Variants in DCPS observed in about 807,000 individuals in gnomAD.
DCPS encodes m7GpppX diphosphatase.
Under a neutral mutation model 34.7 loss-of-function variants are expected in DCPS, and 27 were observed. That is an observed-to-expected ratio of 0.78 (90% CI 0.57 to 1.07). The LOEUF is 1.07. DCPS is among the 50% of genes least tolerant of loss of function. The pLI, the probability that DCPS is intolerant of heterozygous loss-of-function variation, is 0.00. For missense variants in DCPS, 464 were observed against 436.9 expected, an observed-to-expected ratio of 1.06 and a Z score of -0.55; for synonymous variants, 185 against 185.7, an observed-to-expected ratio of 1.00 and a Z score of 0.03.
chr11:126,325,674 G>A lies in DCPS; in HGVS notation c.377-5731G>A, dbSNP rs1211835778. Among the ~76,000 whole-genome samples the A allele has an allele frequency of 2.0e-5, 3 of 152,184 alleles. No individual in the cohort carries two copies. Among genetic ancestry groups the A allele is most frequent in the Non-Finnish European group, 4.4e-5 (3 of 68,028 alleles). ...ATTTGACTCTTTGACATATATGCAA[G>A]TACAATTTGAATTAAAAAGACAAAC... On this transcript the variant is annotated intron_variant, in intron 2 of 5. Coordinates refer to ENST00000263579, the MANE Select transcript of DCPS (RefSeq NM_014026.6). This position sits in a 1 kb window ranked among gnomAD's most constrained non-coding sequence, Gnocchi z 4.3.
chr11:126,306,216 T>A (rs1565370013), intron 1 of DCPS, among the ~76,000 whole-genome samples: 1 of 152,000 alleles, frequency 6.6e-6, no homozygotes, highest in Non-Finnish European at 1.5e-5. Flanking sequence ...CTACTAAAAA[T>A]ACAAAAATTA....
In DCPS at chr11:126,345,620, T is replaced by A; in HGVS notation, c.*7T>A. 1 of 1,611,156 alleles carries A rather than the reference T, an allele frequency of 6.2e-7. No homozygotes were observed. Among genetic ancestry groups the A allele is most frequent in the Non-Finnish European group, 8.5e-7 (1 of 1,179,080 alleles). ...GGAGGCTCAGCAAAGCTGAATTAAC[T>A]CAGGCAGAAGAGCACAGATGTGTGG... On this transcript the variant is annotated 3_prime_UTR_variant, in exon 6 of 6. Transcript: ENST00000263579. The surrounding 1 kb of genome is among the most constrained non-coding windows in gnomAD (Gnocchi z 7.4).
In DCPS at chr11:126,337,323, C is replaced by T; in HGVS notation, c.523-963C>T. ...TCCCCCAGATGTAGGGCAGAGTTCA[C>T]TGTCCTGCATGAGTTCATGTTTGCA... On this transcript the variant is annotated intron_variant, in intron 3 of 5. Coordinates refer to ENST00000263579, the MANE Select transcript of DCPS (RefSeq NM_014026.6). The surrounding 1 kb of genome is among the most constrained non-coding windows in gnomAD (Gnocchi z 5.3). 1 of 152,556 alleles carries T rather than the reference C, an allele frequency of 6.6e-6. No individual in the cohort carries two copies. Among genetic ancestry groups the T allele is most frequent in the Non-Finnish European group, 1.5e-5 (1 of 68,230 alleles). 9.5% of individuals were successfully genotyped at this position (152,556 alleles called of 1,614,324 possible). A position where few individuals can be genotyped will look rare whatever the true frequency, so the allele number is the denominator to read the frequency against.
chr11:126,307,697 G>A (rs571741706), intron 2 of DCPS, among the ~76,000 whole-genome samples: 1 of 152,198 alleles, frequency 6.6e-6, no homozygotes, highest in Admixed American at 6.6e-5. Flanking sequence ...GTGAGCCACC[G>A]TGCCCAGCCA....
intron 1 of DCPS, 162 bp downstream of exon 1, chr11:126,304,443 G>T: frequency 1.3e-6 from 1 of 752,846 alleles, no homozygotes; most frequent in Non-Finnish European, 2.1e-6. Context: ...GCGGTGAAAG[G>T]CGGCAAGATT....
Position 126,349,846 on chromosome 11 carries a change from C to G in DCPS, c.*4233C>G, listed in dbSNP as rs1352898501. 1.3e-5 allele frequency among the ~76,000 whole-genome samples: 2 copies of G among 152,162 alleles called. No individual in the cohort carries two copies. The highest frequency in any genetic ancestry group is 4.8e-5 in the African/African-American group (2 of 41,426). ...AAATGTTGGCAACCCTAAGTTTGTT[C>G]TATTATAATATTATTGAAATTACAT... On this transcript the variant is annotated 3_prime_UTR_variant, in exon 6 of 6. Transcript: ENST00000263579. The surrounding 1 kb of genome is among the most constrained non-coding windows in gnomAD (Gnocchi z 5.4).
At chr11:126,317,180 C>T (rs149051048) in intron 2 of DCPS, among the ~76,000 whole-genome samples, 3,559 of 152,030 alleles carry the variant, frequency 0.023, 99 homozygotes, top group South Asian at 0.13. Flanking sequence ...AGGATGGTCT[C>T]GATCTCCTGA....
chr11:126,335,763 AAAAAT>A lies in DCPS; in HGVS notation c.523-2521_523-2517del, dbSNP rs757456686. Among the ~76,000 whole-genome samples, 26 of 152,294 alleles carry A rather than the reference AAAAAT, an allele frequency of 1.7e-4. No individual in the cohort carries two copies. Among genetic ancestry groups the A allele is most frequent in the Non-Finnish European group, 3.4e-4 (23 of 68,016 alleles). On this transcript the variant is annotated intron_variant, in intron 3 of 5. Coordinates refer to ENST00000263579, the MANE Select transcript of DCPS (RefSeq NM_014026.6). The surrounding 1 kb of genome is among the most constrained non-coding windows in gnomAD (Gnocchi z 4.8). ...CAACATGACGCAACCCATCTCTACT[AAAAAT>A]ACAAAAATTAGCTGGGTGTGGTGGC... is the stretch of plus-strand genomic sequence containing the variant.
Position 126,346,884 on chromosome 11 carries a change from T to C in DCPS, c.*1271T>C, listed in dbSNP as rs934316695. On this transcript the variant is annotated 3_prime_UTR_variant, in exon 6 of 6. Transcript: ENST00000263579. This position sits in a 1 kb window ranked among gnomAD's most constrained non-coding sequence, Gnocchi z 4.1. ...CCCCATGGTCCTGGGAGAGACTCCT[T>C]AGAAACAGCAGAATCACGAACATGG... Among the ~76,000 whole-genome samples, 1 of 151,934 alleles carries C rather than the reference T, an allele frequency of 6.6e-6. No homozygotes were observed. Among genetic ancestry groups the C allele is most frequent in the African/African-American group, 2.4e-5 (1 of 41,356 alleles).
rs1328777761 is a variant in DCPS at position 126,312,754 on chromosome 11, A to G, written c.376+6010A>G. 6.6e-6 allele frequency among the ~76,000 whole-genome samples: 1 copy of G among 152,202 alleles called. No individual in the cohort carries two copies. Among genetic ancestry groups the G allele is most frequent in the Non-Finnish European group, 1.5e-5 (1 of 68,050 alleles). On this transcript the variant is annotated intron_variant, in intron 2 of 5. Coordinates refer to ENST00000263579, the MANE Select transcript of DCPS (RefSeq NM_014026.6). This position sits in a 1 kb window ranked among gnomAD's most constrained non-coding sequence, Gnocchi z 5.1. ...TAGAGCACGTGGCACAGTAGCTGTCATATGGTCTGTATCCAATAAGTGTAA... is the reference window on the plus strand; with the variant it reads ...TAGAGCACGTGGCACAGTAGCTGTCGTATGGTCTGTATCCAATAAGTGTAA...
At chr11:126,304,960 GTTCCCCAGAAAC>G (rs879511356) in intron 1 of DCPS, among the ~76,000 whole-genome samples, 5 of 152,216 alleles carry the variant, frequency 3.3e-5, no homozygotes, top group Admixed American at 2.0e-4. Context: ...AGATATGGGG[GTTCCCCAGAAAC>G]TAGTGAGGAG....
chr11:126,345,773 G>T lies in DCPS; in HGVS notation c.*160G>T. The stretch of plus-strand genomic sequence containing the variant: ...CACTCAGTGTGGACAGCGTGGCCTG[G>T]GAGGCAGACAGATGGTGGGGGACAG... On this transcript the variant is annotated 3_prime_UTR_variant, in exon 6 of 6. Transcript: ENST00000263579. The surrounding 1 kb of genome is among the most constrained non-coding windows in gnomAD (Gnocchi z 7.4). The T allele has an allele frequency of 9.0e-7, 1 of 1,108,698 alleles. No individual in the cohort carries two copies. The highest frequency in any genetic ancestry group is 1.3e-6 in the Non-Finnish European group (1 of 796,542). 68.7% of individuals were successfully genotyped at this position (1,108,698 alleles called of 1,614,324 possible). A position where few individuals can be genotyped will look rare whatever the true frequency, so the allele number is the denominator to read the frequency against.
intron 2 of DCPS, among the ~76,000 whole-genome samples, chr11:126,317,206 T>G (rs1412958793): frequency 6.6e-6 from 1 of 151,578 alleles, no homozygotes; most frequent in Non-Finnish European, 1.5e-5. Context: ...TGATCCACCC[T>G]CCTCGGCCTC....
chr11:126,345,270 G>A lies in DCPS; in HGVS notation c.748-77G>A. 5 of 1,574,578 alleles carry A rather than the reference G, an allele frequency of 3.2e-6. No individual in the cohort carries two copies. The highest frequency in any genetic ancestry group is 2.2e-5 in the East Asian group (1 of 44,584). ...GGCCAATCCAGGATTCAGATGGGAG[G>A]AGGGTCTAGGTGGGGACATGGCGCC... On this transcript the variant is annotated intron_variant, in intron 5 of 5. Coordinates refer to ENST00000263579, the MANE Select transcript of DCPS (RefSeq NM_014026.6). The surrounding 1 kb of genome is among the most constrained non-coding windows in gnomAD (Gnocchi z 7.4).
Position 126,329,918 on chromosome 11 carries a change from A to G in DCPS, c.377-1487A>G, listed in dbSNP as rs1951769651. 6.6e-6 allele frequency among the ~76,000 whole-genome samples: 1 copy of G among 152,118 alleles called. No homozygotes were observed. Among genetic ancestry groups the G allele is most frequent in the African/African-American group, 2.4e-5 (1 of 41,402 alleles). ...GGTTTCCCTGGGAGAGCCTATCCGA[A>G]CCCAGATTAAGAAAGTCAGAGGGAA... On this transcript the variant is annotated intron_variant, in intron 2 of 5. Coordinates refer to ENST00000263579, the MANE Select transcript of DCPS (RefSeq NM_014026.6). The surrounding 1 kb of genome is among the most constrained non-coding windows in gnomAD (Gnocchi z 5.0).
In DCPS at chr11:126,316,646, A is replaced by ATT. The variant is rs35658526; in HGVS notation, c.376+9913_376+9914dup. Among the ~76,000 whole-genome samples, 482 of 146,230 alleles carry ATT rather than the reference A, an allele frequency of 3.3e-3. 5 individuals are homozygous for ATT. The highest frequency in any genetic ancestry group is 0.023 in the East Asian group (118 of 5,034). ...TTACTCTCTTGATTAGCTGAAGTAC[A>ATT]TTTTTTTTTTTTCATGTTTTTCTTG... On this transcript the variant is annotated intron_variant, in intron 2 of 5. Coordinates refer to ENST00000263579, the MANE Select transcript of DCPS (RefSeq NM_014026.6).
rs944353837 is a variant in DCPS, at chr11:126,344,878, C to T, written c.748-469C>T. Among the ~76,000 whole-genome samples, 5 of 152,296 alleles carry T rather than the reference C, an allele frequency of 3.3e-5. No homozygotes were observed. Among genetic ancestry groups the T allele is most frequent in the South Asian group, 2.1e-4 (1 of 4,826 alleles). ...ACCAAGTTCTCAGCATAGCCCCATC[C>T]CCAACTTCATTGTTTCCAAGCTCCA... On this transcript the variant is annotated intron_variant, in intron 5 of 5. Transcript: ENST00000263579. The surrounding 1 kb of genome is among the most constrained non-coding windows in gnomAD (Gnocchi z 8.1).
Position 126,336,115 on chromosome 11 carries a change from C to CA in DCPS, c.523-2152dup, listed in dbSNP as rs34762229. ...TGGGCGAAAGAGCAAGACTCCATCT[C>CA]AAAAAAAAAAAAAAAAAAATGGCGA... On this transcript the variant is annotated intron_variant, in intron 3 of 5. Transcript: ENST00000263579. The surrounding 1 kb of genome is among the most constrained non-coding windows in gnomAD (Gnocchi z 6.3). 0.5 allele frequency among the ~76,000 whole-genome samples: 54,013 copies of CA among 108,912 alleles called. 13,089 individuals carry two copies. The highest frequency in any genetic ancestry group is 0.85 in the East Asian group (3,339 of 3,944). The allele number at this position is 108,912 out of a possible 152,430, so 71.5% of individuals were successfully genotyped here.
Position 126,340,006 on chromosome 11 carries a change from C to T in DCPS, c.636+1607C>T, listed in dbSNP as rs535149547. Among the ~76,000 whole-genome samples the T allele has an allele frequency of 5.9e-5, 9 of 152,300 alleles. No individual in the cohort carries two copies. The South Asian group carries it at 1.2e-3, about 21-fold the overall frequency. ...AAGACTGAAGAGCTTGCCAGGGGAT[C>T]GCAGTCTTAAGGTCATGGAGGGACA... is the stretch of plus-strand genomic sequence containing the variant. On this transcript the variant is annotated intron_variant, in intron 4 of 5. Coordinates refer to ENST00000263579, the MANE Select transcript of DCPS (RefSeq NM_014026.6).
Sources: allele counts gnomAD v4.1 joint callset (sites outside exome capture counted in the v4.1 genomes callset), GRCh38; gene constraint gnomAD v4.1.1; non-coding constraint Gnocchi (gnomAD v3.1); transcripts MANE v1.5; gene names NCBI Gene and HGNC (gene_info 2026-07-23, HGNC 2026-07-21).